DNAAF9: variants seen among roughly 807,000 people sequenced by gnomAD.
The protein encoded by DNAAF9 is dynein axonemal assembly factor 9.
Under a neutral mutation model 167.0 loss-of-function variants are expected in DNAAF9, and 90 were observed. The ratio of observed to expected loss-of-function variants is 0.54; its 90% CI spans 0.45 to 0.64. DNAAF9 has a LOEUF of 0.64. Among genes scored for constraint, DNAAF9 ranks in the 30% least tolerant of loss-of-function variants. The pLI is 0.00. For missense variants in DNAAF9, 1,315 were observed against 1,442.2 expected, an observed-to-expected ratio of 0.91 and a Z score of 1.43; for synonymous variants, 491 against 508.8, an observed-to-expected ratio of 0.96 and a Z score of 0.47.
chr20:3,268,374 C>CCT (rs11474093), intron 30 of DNAAF9, among the ~76,000 whole-genome samples: 29,214 of 148,534 alleles, frequency 0.2, 3,056 homozygotes, highest in African/African-American at 0.25. Context: ...TTGTCGCCCA[C>CCT]CTGGAGTGCA....
rs1380664990 is a variant in DNAAF9 at position 3,250,326 on chromosome 20, A to T, written c.*2246T>A. 6.6e-6 allele frequency: 1 copy of T among 152,224 alleles called. No individual in the cohort carries two copies. Among genetic ancestry groups the T allele is most frequent in the African/African-American group, 2.4e-5 (1 of 41,458 alleles). 9.4% of individuals were successfully genotyped at this position (152,224 alleles called of 1,614,324 possible). On this transcript the variant is annotated 3_prime_UTR_variant, in exon 37 of 37. Coordinates refer to ENST00000252032, the MANE Select transcript of DNAAF9 (RefSeq NM_001009984.3). ...GAGGCATCCCCTGGCCTCAGTCCTC[A>T]AAGAGCTCACAGTGCACCGCGGGTG...
At chr20:3,265,477 G>C (rs2068472521) in intron 30 of DNAAF9, among the ~76,000 whole-genome samples, 2 of 146,504 alleles carry the variant, frequency 1.4e-5, no homozygotes, top group African/African-American at 5.0e-5. Flanking sequence ...CGAGGCAGGA[G>C]AATCACTTGA....
chr20:3,273,061 C>A (rs2068621223), intron 29 of DNAAF9, among the ~76,000 whole-genome samples: 1 of 152,078 alleles, frequency 6.6e-6, no homozygotes, highest in Non-Finnish European at 1.5e-5. Context: ...GAACTCCTGA[C>A]CTCAGGTGAT....
At chr20:3,287,238 G>GCTGGAGACTGCA (rs2122888245) in intron 27 of DNAAF9, among the ~76,000 whole-genome samples, 1 of 152,294 alleles carries the variant, frequency 6.6e-6, no homozygotes, top group South Asian at 2.1e-4. Context: ...GCATGGTGAA[G>GCTGGAGACTGCA]CTGGAGACTG....
At chr20:3,317,786 G>A (rs1454539091) in intron 17 of DNAAF9, among the ~76,000 whole-genome samples, 1 of 151,928 alleles carries the variant, frequency 6.6e-6, no homozygotes, top group African/African-American at 2.4e-5. Context: ...TAGTAGAGAT[G>A]GGGTTTCACC....
chr20:3,293,666 CAAAAAAA>C (rs71195830), intron 25 of DNAAF9, among the ~76,000 whole-genome samples: 7 of 85,604 alleles, frequency 8.2e-5, no homozygotes, highest in South Asian at 4.6e-4. Context: ...GCCTGGGTGA[CAAAAAAA>C]AAAAAAAAAA....
chr20:3,365,534 G>A (rs1394240242), intron 6 of DNAAF9, among the ~76,000 whole-genome samples: 1 of 152,106 alleles, frequency 6.6e-6, no homozygotes, highest in East Asian at 1.9e-4. Context: ...TGGGATTACA[G>A]GGGCATACCA....
At chr20:3,320,399 TC>T (rs2069592973) in intron 16 of DNAAF9, among the ~76,000 whole-genome samples, 1 of 152,208 alleles carries the variant, frequency 6.6e-6, no homozygotes, top group Non-Finnish European at 1.5e-5. Context: ...AGCATCAACT[TC>T]CTGCCTCTTA....
At chr20:3,254,310 C>T (rs891697810) in intron 35 of DNAAF9, among the ~76,000 whole-genome samples, 2 of 152,094 alleles carry the variant, frequency 1.3e-5, no homozygotes, top group Non-Finnish European at 2.9e-5. Context: ...AACTCCTGAC[C>T]TCAAGTGATC....
At chr20:3,340,161 T>C (rs76888973) in intron 10 of DNAAF9, among the ~76,000 whole-genome samples, 6,912 of 152,254 alleles carry the variant, frequency 0.045, 235 homozygotes, top group African/African-American at 0.097. Context: ...ATAACAAACT[T>C]AGGCTTGGAA....
At chr20:3,299,534 A>C (rs538432385) in intron 21 of DNAAF9, among the ~76,000 whole-genome samples, 1 of 152,228 alleles carries the variant, frequency 6.6e-6, no homozygotes, top group South Asian at 2.1e-4. Flanking sequence ...CTGGTCTCGA[A>C]CTGCCAGCCT....
In DNAAF9 at chr20:3,278,952, AGGGGG is replaced by A; in HGVS notation, c.2613-8_2613-4del. On this transcript the variant is annotated splice_polypyrimidine_tract_variant and splice_region_variant and intron_variant, in intron 28 of 36. Coordinates refer to ENST00000252032, the MANE Select transcript of DNAAF9 (RefSeq NM_001009984.3). The stretch of plus-strand genomic sequence containing the variant: ...CAAGACATTTAGGAAAGAGAAATCT[AGGGGG>A]AAAAAAGGGGGAAATATTTAAAAAC... 1 of 1,592,770 alleles carries A rather than the reference AGGGGG, an allele frequency of 6.3e-7. No individual in the cohort carries two copies. The highest frequency in any genetic ancestry group is 1.3e-5 in the African/African-American group (1 of 74,476).
chr20:3,343,849 G>GTGTGTGCGTGTGTGCA (rs2070135700), intron 8 of DNAAF9, 118 bp from the exon 9 acceptor site: 1 of 683,584 alleles, frequency 1.5e-6, no homozygotes. Flanking sequence ...GCGTGTGTGT[G>GTGTGTGCGTGTGTGCA]TGTGTGTGTG....
In DNAAF9 at chr20:3,407,585, G is replaced by T. The variant is rs1165633379; in HGVS notation, c.-28C>A. On this transcript the variant is annotated 5_prime_UTR_variant, in exon 1 of 37. Coordinates refer to ENST00000252032, the MANE Select transcript of DNAAF9 (RefSeq NM_001009984.3). ...CGGCGGACGACTGGCGGCGGAGGAG[G>T]ACGGTGCAGCTGCGAGGGTCTCAGT... The T allele has an allele frequency of 1.1e-5, 14 of 1,229,152 alleles. No homozygotes were observed. The highest frequency in any genetic ancestry group is 1.4e-5 in the Non-Finnish European group (14 of 986,168). 76.1% of individuals were successfully genotyped at this position (1,229,152 alleles called of 1,614,324 possible).
chr20:3,353,581 T>C (rs567592901), intron 7 of DNAAF9, among the ~76,000 whole-genome samples: 26 of 150,002 alleles, frequency 1.7e-4, no homozygotes, highest in Admixed American at 1.0e-3. Context: ...TGAGCCGAGA[T>C]AGCACCACTG....
At chr20:3,311,331 G>A (rs1355484505) in intron 20 of DNAAF9, among the ~76,000 whole-genome samples, 4 of 151,970 alleles carry the variant, frequency 2.6e-5, no homozygotes, top group Non-Finnish European at 4.4e-5. Flanking sequence ...GGTAGAGATG[G>A]GGTCTCACTG....
At chr20:3,358,940 G>A (rs1600852756) in intron 7 of DNAAF9, among the ~76,000 whole-genome samples, 1 of 151,924 alleles carries the variant, frequency 6.6e-6, no homozygotes, top group Non-Finnish European at 1.5e-5. Context: ...ATTTCCCCCC[G>A]ATCCTGATAT....
intron 29 of DNAAF9, among the ~76,000 whole-genome samples, chr20:3,274,776 C>A (rs189214242): frequency 6.6e-6 from 1 of 152,312 alleles, no homozygotes; most frequent in African/African-American, 2.4e-5. Context: ...AGACTTCTCC[C>A]TGTACATAGA....
chr20:3,298,428 C>T (rs1959923980), intron 21 of DNAAF9, among the ~76,000 whole-genome samples: 1 of 152,118 alleles, frequency 6.6e-6, no homozygotes, highest in African/African-American at 2.4e-5. Context: ...AGTGATCCTT[C>T]TACCTCAGCC....
Sources: gnomAD v4.1 joint callset for allele counts (sites outside exome capture counted in the v4.1 genomes callset) on GRCh38, gnomAD v4.1.1 for gene constraint, MANE v1.5 for transcripts, NCBI Gene and HGNC (gene_info 2026-07-23, HGNC 2026-07-21) for gene names.